Variants in MYO6 observed in about 807,000 individuals in gnomAD.
MYO6 encodes the protein myosin VI, also known as unconventional myosin-VI.
MYO6 carries 74 observed loss-of-function variants against 178.7 expected under a neutral mutation model. That is an observed-to-expected ratio of 0.41 (90% CI 0.34 to 0.50). The LOEUF is 0.50. MYO6 is among the 20% of genes least tolerant of loss of function. MYO6 has a pLI of 0.09. For missense variants in MYO6, 1,330 were observed against 1,547.4 expected, an observed-to-expected ratio of 0.86 and a Z score of 2.36; for synonymous variants, 477 against 504.6, an observed-to-expected ratio of 0.95 and a Z score of 0.73.
chr6:75,757,287 T>C (rs1777522193), intron 1 of MYO6, among the ~76,000 whole-genome samples: 1 of 148,672 alleles, frequency 6.7e-6, no homozygotes, highest in African/African-American at 2.5e-5. Flanking sequence ...ATACACAATA[T>C]ATGTGTGTGT....
chr6:75,886,857 G>C lies in MYO6; in HGVS notation c.2521G>C (p.Val841Leu), dbSNP rs1451643518. 2.5e-6 allele frequency: 4 copies of C among 1,608,618 alleles called. No homozygotes were observed. In the East Asian group the frequency reaches 9.0e-5, roughly 36 times the overall value. Residue 841 changes from valine (V) to leucine (L), a missense_variant, in exon 25 of 35, where the codon GTT becomes CTT. Physicochemically the swap from Val to Leu is conservative, Grantham distance 32. Coordinates refer to ENST00000369977, the MANE Select transcript of MYO6 (RefSeq NM_004999.4). ...TTATTTTTACAGCATTGATGGTCTG[G>C]TTAAGGTGGGCACACTGAAAAAACG... Reference protein sequence around the residue: ...RRHKPRIDGLVKVGTLKKRLD... With the variant: ...RRHKPRIDGLLKVGTLKKRLD...
chr6:75,857,362 T>G, intron 13 of MYO6, 108 bp downstream of exon 13: 2 of 1,073,914 alleles, frequency 1.9e-6, no homozygotes, highest in Non-Finnish European at 1.4e-6. Flanking sequence ...TTGATGTATG[T>G]GTAATTATAT....
chr6:75,852,096 T>C (rs1301164080), intron 11 of MYO6, among the ~76,000 whole-genome samples: 1 of 150,762 alleles, frequency 6.6e-6, no homozygotes, highest in Non-Finnish European at 1.5e-5. Flanking sequence ...TTTTAAGACT[T>C]ATTAAAAATC....
At chr6:75,878,113 G>A (rs1777715989) in intron 20 of MYO6, among the ~76,000 whole-genome samples, 1 of 151,904 alleles carries the variant, frequency 6.6e-6, no homozygotes, top group Non-Finnish European at 1.5e-5. Flanking sequence ...AATTAATATT[G>A]AAAATTCACA....
intron 1 of MYO6, among the ~76,000 whole-genome samples, chr6:75,777,072 G>A (rs1766466168): frequency 6.6e-6 from 1 of 152,122 alleles, no homozygotes; most frequent in Non-Finnish European, 1.5e-5. Context: ...TCCTTGGTGT[G>A]TACTAAGAAA....
chr6:75,791,114 A>G (rs1768190218), intron 1 of MYO6, among the ~76,000 whole-genome samples: 1 of 151,986 alleles, frequency 6.6e-6, no homozygotes, highest in Non-Finnish European at 1.5e-5. Flanking sequence ...TTGTATTTTT[A>G]GTAGAGATGG....
At chr6:75,900,007 T>C (rs928128728) in intron 30 of MYO6, among the ~76,000 whole-genome samples, 18 of 151,246 alleles carry the variant, frequency 1.2e-4, no homozygotes, top group Non-Finnish European at 2.4e-4. Flanking sequence ...GTTCTTGCGA[T>C]AGTTTACTGA....
At chr6:75,884,695 T>C (rs1778296198) in intron 23 of MYO6, among the ~76,000 whole-genome samples, 1 of 152,134 alleles carries the variant, frequency 6.6e-6, no homozygotes, top group Non-Finnish European at 1.5e-5. Flanking sequence ...GGGTTGGAGA[T>C]GAAATCATAG....
intron 7 of MYO6, among the ~76,000 whole-genome samples, 196 bp downstream of exon 7, chr6:75,836,152 A>G (rs1011700941): frequency 1.3e-5 from 2 of 152,180 alleles, no homozygotes; most frequent in African/African-American, 4.8e-5. Flanking sequence ...AAACACTAAG[A>G]AGGCAGGGAT....
At chr6:75,905,887 T>C (rs1406236657) in intron 30 of MYO6, among the ~76,000 whole-genome samples, 1 of 152,256 alleles carries the variant, frequency 6.6e-6, no homozygotes, top group Admixed American at 6.5e-5. Context: ...GGGCACCTTA[T>C]TTATTTCATT....
chr6:75,842,841 AGT>A (rs1441865491), intron 9 of MYO6, among the ~76,000 whole-genome samples: 1 of 151,884 alleles, frequency 6.6e-6, no homozygotes, highest in African/African-American at 2.4e-5. Context: ...GAGGCTTGGG[AGT>A]ATAGTATTTT....
At chr6:75,885,144 T>A (rs908882752) in intron 23 of MYO6, among the ~76,000 whole-genome samples, 34 of 152,346 alleles carry the variant, frequency 2.2e-4, no homozygotes, top group African/African-American at 7.9e-4. Flanking sequence ...TTAGGTCAGA[T>A]CTCTTTTACA....
Position 75,892,697 on chromosome 6 carries a change from G to C in MYO6, c.3107+7G>C, listed in dbSNP as rs1455102333. 1 of 1,612,112 alleles carries C rather than the reference G, an allele frequency of 6.2e-7. No homozygotes were observed. Among genetic ancestry groups the C allele is most frequent in the Non-Finnish European group, 8.5e-7 (1 of 1,179,932 alleles). On this transcript the variant is annotated splice_region_variant and intron_variant, in intron 28 of 34. Coordinates refer to ENST00000369977, the MANE Select transcript of MYO6 (RefSeq NM_004999.4). ...CCGACCTGGCGCTGCGGAGGTACTGGGGCCCCTGGGTGGGGTATAGCGCTC... is the reference window on the plus strand; with the variant it reads ...CCGACCTGGCGCTGCGGAGGTACTGCGGCCCCTGGGTGGGGTATAGCGCTC...
At chr6:75,858,024 C>G (rs1265339872) in intron 13 of MYO6, among the ~76,000 whole-genome samples, 1 of 151,830 alleles carries the variant, frequency 6.6e-6, no homozygotes, top group Non-Finnish European at 1.5e-5. Context: ...GTATTTTAAA[C>G]TTTATAATTC....
intron 1 of MYO6, among the ~76,000 whole-genome samples, chr6:75,803,949 A>G (rs893460413): frequency 2.6e-5 from 4 of 152,194 alleles, no homozygotes; most frequent in African/African-American, 7.2e-5. Context: ...GCTGGAGTAC[A>G]GTGGCACGAT....
At chr6:75,790,241 C>A (rs1306977454) in intron 1 of MYO6, among the ~76,000 whole-genome samples, 1 of 152,134 alleles carries the variant, frequency 6.6e-6, no homozygotes, top group African/African-American at 2.4e-5. Context: ...TGCATATAGT[C>A]ATGTTGCTTT....
Position 75,845,086 on chromosome 6 carries a change from C to T in MYO6, c.897+109C>T, listed in dbSNP as rs531206853. 51 of 865,082 alleles carry T rather than the reference C, an allele frequency of 5.9e-5. No homozygotes were observed. The African/African-American group carries it at 8.2e-4, about 14-fold the overall frequency. The allele number at this position is 865,082 out of a possible 1,614,324, so 53.6% of individuals were successfully genotyped here. A position where few individuals can be genotyped will look rare whatever the true frequency, so the allele number is the denominator to read the frequency against. On this transcript the variant is annotated intron_variant, in intron 10 of 34. Coordinates refer to ENST00000369977, the MANE Select transcript of MYO6 (RefSeq NM_004999.4). ...CCAAGTAAGAGTTCTAACTTTTAGGCTTATACTTTAAAAAATTAAATATTC... is the reference window on the plus strand; with the variant it reads ...CCAAGTAAGAGTTCTAACTTTTAGGTTTATACTTTAAAAAATTAAATATTC...
chr6:75,893,741 G>A (rs987030027), intron 28 of MYO6, among the ~76,000 whole-genome samples: 6 of 152,162 alleles, frequency 3.9e-5, no homozygotes, highest in Non-Finnish European at 5.9e-5. Context: ...GTATATGAAA[G>A]TACATTATAT....
intron 1 of MYO6, among the ~76,000 whole-genome samples, chr6:75,763,026 ATTTT>A (rs34139526): frequency 8.1e-6 from 1 of 124,214 alleles, no homozygotes. Context: ...CTGACCTGTA[ATTTT>A]TTTTTTTTTT....
Sources: gnomAD v4.1 joint callset for allele counts (sites outside exome capture counted in the v4.1 genomes callset) on GRCh38, gnomAD v4.1.1 for gene constraint, MANE v1.5 for transcripts, NCBI Gene and HGNC (gene_info 2026-07-23, HGNC 2026-07-21) for gene names.